The following EXOC4 variants were observed in gnomAD, a reference collection of about 807,000 sequenced individuals.
The protein encoded by EXOC4 is exocyst complex component 4.
Under a neutral mutation model 107.2 loss-of-function variants are expected in EXOC4, and 71 were observed. The ratio of observed to expected loss-of-function variants is 0.66; its 90% CI spans 0.55 to 0.81. The LOEUF (loss-of-function observed/expected upper bound fraction) is 0.81, where lower values mean the gene tolerates loss of function less well. EXOC4 is among the 30% of genes least tolerant of loss of function. EXOC4 has a pLI of 0.00. For missense variants in EXOC4, 1,108 were observed against 1,189.6 expected (o/e 0.93, Z 1.01); for synonymous variants, 456 against 441.2 (o/e 1.03, Z -0.42).
chr7:133,397,641 C>G (rs1207177841), intron 7 of EXOC4, among the ~76,000 whole-genome samples: 2 of 152,210 alleles, frequency 1.3e-5, no homozygotes, highest in East Asian at 3.9e-4. Context: ...AGCCTATCTT[C>G]TGTATATTAT....
chr7:134,056,863 A>G (rs1279219540), intron 17 of EXOC4, among the ~76,000 whole-genome samples: 2 of 152,194 alleles, frequency 1.3e-5, no homozygotes, highest in Non-Finnish European at 2.9e-5. Context: ...GGAGTGTGTC[A>G]TCATCTCAAC....
intron 9 of EXOC4, among the ~76,000 whole-genome samples, chr7:133,624,578 A>G (rs1038924251): frequency 6.6e-6 from 1 of 151,620 alleles, no homozygotes; most frequent in Non-Finnish European, 1.5e-5. Flanking sequence ...GCAAGACTGC[A>G]TCTCTCTCTC....
chr7:133,432,917 T>A (rs1390568026), intron 7 of EXOC4, among the ~76,000 whole-genome samples: 1 of 152,254 alleles, frequency 6.6e-6, no homozygotes, highest in East Asian at 1.9e-4. Context: ...CACCAGAGTA[T>A]GCTAAGCAGC....
At chr7:133,265,526 G>C (rs1446562692) in intron 1 of EXOC4, among the ~76,000 whole-genome samples, 1 of 152,078 alleles carries the variant, frequency 6.6e-6, no homozygotes, top group South Asian at 2.1e-4. Context: ...ATCCACTTAG[G>C]GGCCCATTTT....
chr7:133,292,374 T>C (rs945904707), intron 3 of EXOC4, among the ~76,000 whole-genome samples: 3 of 152,324 alleles, frequency 2.0e-5, no homozygotes, highest in East Asian at 3.9e-4. Context: ...TTTGTGTCCT[T>C]TGATAATGCT....
At chr7:133,326,923 C>T (rs999643959) in intron 5 of EXOC4, among the ~76,000 whole-genome samples, 9 of 152,352 alleles carry the variant, frequency 5.9e-5, no homozygotes, top group South Asian at 2.1e-4. Flanking sequence ...GCCCCTTCCC[C>T]AGCCTTGCTG....
chr7:133,858,783 A>G (rs925737701), intron 11 of EXOC4, among the ~76,000 whole-genome samples: 1 of 152,134 alleles, frequency 6.6e-6, no homozygotes, highest in African/African-American at 2.4e-5. Context: ...TCCAAAACCT[A>G]TAGAATTAAA....
At chr7:133,682,850 T>C (rs180976986) in intron 10 of EXOC4, among the ~76,000 whole-genome samples, 5 of 152,274 alleles carry the variant, frequency 3.3e-5, no homozygotes, top group Admixed American at 2.6e-4. Context: ...CCAGAGCACA[T>C]TGTTATTTTC....
At chr7:134,076,382 G>A in the EXOC4 span, among the ~76,000 whole-genome samples, 1 of 152,124 alleles carries the variant, frequency 6.6e-6, no homozygotes, top group Non-Finnish European at 1.5e-5. Flanking sequence ...GCTGGGCGTG[G>A]TGGCAGGCAC....
intron 9 of EXOC4, among the ~76,000 whole-genome samples, chr7:133,581,473 C>G (rs1057236051): frequency 1.3e-5 from 2 of 152,062 alleles, no homozygotes; most frequent in Non-Finnish European, 2.9e-5. Context: ...AAAGAATGAC[C>G]TGAGGCCGGG....
intron 12 of EXOC4, among the ~76,000 whole-genome samples, chr7:133,907,880 G>A (rs1799605019): frequency 6.7e-6 from 1 of 149,532 alleles, no homozygotes; most frequent in Non-Finnish European, 1.5e-5. Flanking sequence ...GGGAGGGAGG[G>A]AGAAATCACT....
At chr7:133,854,743 C>G (rs1311135238) in intron 11 of EXOC4, among the ~76,000 whole-genome samples, 2 of 150,840 alleles carry the variant, frequency 1.3e-5, no homozygotes, top group Non-Finnish European at 1.5e-5. Context: ...CAAATAGTCC[C>G]TCTTAGCCAT....
chr7:133,556,020 G>GT (rs1335279870), intron 9 of EXOC4, among the ~76,000 whole-genome samples: 2 of 152,126 alleles, frequency 1.3e-5, no homozygotes, highest in African/African-American at 4.8e-5. Flanking sequence ...TTCGTGGATT[G>GT]TTTGTTGTAA....
At chr7:133,273,097 A>G (rs1011241721) in intron 1 of EXOC4, among the ~76,000 whole-genome samples, 5 of 152,186 alleles carry the variant, frequency 3.3e-5, no homozygotes, top group African/African-American at 1.2e-4. Context: ...AGGAACCCTT[A>G]CCTTTGGGAC....
Position 134,058,154 on chromosome 7 carries a change from G to A in EXOC4, c.2688-6137G>A, listed in dbSNP as rs1199799029. On this transcript the variant is annotated intron_variant, in intron 17 of 17. Transcript: ENST00000253861. ...AACTTAGTGACCCATCTACCATTGGGTTTTTATTAAAGTGCTCAAAATGCT... is the reference window on the plus strand; with the variant it reads ...AACTTAGTGACCCATCTACCATTGGATTTTTATTAAAGTGCTCAAAATGCT... Among the ~76,000 whole-genome samples, 3 of 152,238 alleles carry A rather than the reference G, an allele frequency of 2.0e-5. No homozygotes were observed. In the South Asian group the frequency reaches 6.2e-4, roughly 32 times the overall value.
intron 9 of EXOC4, among the ~76,000 whole-genome samples, chr7:133,486,103 C>T (rs1367495252): frequency 6.6e-6 from 1 of 151,944 alleles, no homozygotes. Flanking sequence ...CACTTGAGAC[C>T]TCACTTCTTT....
chr7:134,063,183 A>G (rs1402719684), intron 17 of EXOC4, among the ~76,000 whole-genome samples: 2 of 152,140 alleles, frequency 1.3e-5, no homozygotes, highest in Non-Finnish European at 2.9e-5. Flanking sequence ...TGCACTCCCC[A>G]GTCTAACCAG....
chr7:133,417,541 A>T (rs4728284), intron 7 of EXOC4, among the ~76,000 whole-genome samples: 21,899 of 152,238 alleles, frequency 0.14, 1,969 homozygotes, highest in Non-Finnish European at 0.2. Context: ...GTTAGAATAC[A>T]TGTAGTGACT....
chr7:133,826,288 A>C (rs1585179991), intron 11 of EXOC4, among the ~76,000 whole-genome samples: 1 of 152,116 alleles, frequency 6.6e-6, no homozygotes, highest in African/African-American at 2.4e-5. Context: ...TGTTAATTCT[A>C]TTACTTATTT....
Sources: allele counts gnomAD v4.1 joint callset (sites outside exome capture counted in the v4.1 genomes callset), GRCh38; gene constraint gnomAD v4.1.1; transcripts MANE v1.5; gene names NCBI Gene and HGNC (gene_info 2026-07-23, HGNC 2026-07-21).